Variants in PRTG observed in about 807,000 individuals in gnomAD.
PRTG encodes the protein protogenin.
PRTG carries 67 observed loss-of-function variants against 122.5 expected under a neutral mutation model. The observed-to-expected ratio is 0.55, with a 90% CI of 0.45 to 0.67. The LOEUF is 0.67. Among genes scored for constraint, PRTG ranks in the 30% least tolerant of loss-of-function variants. PRTG has a pLI of 0.00. For synonymous variants in PRTG, 554 were observed against 501.1 expected, an observed-to-expected ratio of 1.11 and a Z score of -1.41; for missense variants, 1,435 against 1,415.4, an observed-to-expected ratio of 1.01 and a Z score of -0.22.
intron 2 of PRTG, among the ~76,000 whole-genome samples, chr15:55,709,759 T>C (rs7164194): frequency 0.89 from 135,110 of 152,246 alleles, 61,406 homozygotes; most frequent in Non-Finnish European, 0.98. Context: ...TGAGAGAATC[T>C]GTACAAACAA....
At chr15:55,683,446 A>C (rs765169169) in intron 3 of PRTG, among the ~76,000 whole-genome samples, 7 of 152,134 alleles carry the variant, frequency 4.6e-5, no homozygotes, top group Non-Finnish European at 8.8e-5. Flanking sequence ...GCATACATGA[A>C]AGACCCTTAC....
At chr15:55,717,965 A>T (rs1168803508) in intron 2 of PRTG, among the ~76,000 whole-genome samples, 1 of 152,178 alleles carries the variant, frequency 6.6e-6, no homozygotes, top group Non-Finnish European at 1.5e-5. Context: ...TTGGAGATCA[A>T]TCCCCTGTCC....
At chr15:55,720,382 A>G (rs2030768858) in intron 2 of PRTG, among the ~76,000 whole-genome samples, 1 of 152,144 alleles carries the variant, frequency 6.6e-6, no homozygotes, top group Admixed American at 6.6e-5. Flanking sequence ...AACAAAATAA[A>G]ACAAACATAA....
intron 11 of PRTG, among the ~76,000 whole-genome samples, chr15:55,642,739 A>C (rs2059299564): frequency 1.3e-5 from 2 of 152,222 alleles, no homozygotes; most frequent in South Asian, 4.1e-4. Flanking sequence ...AATCTGGAAA[A>C]CGACGTGAAA....
chr15:55,732,493 C>CTTTT (rs35478271), intron 2 of PRTG, among the ~76,000 whole-genome samples: 1 of 130,318 alleles, frequency 7.7e-6, no homozygotes. Context: ...CCAGGGTAAA[C>CTTTT]TTTTTTTTTT....
intron 11 of PRTG, among the ~76,000 whole-genome samples, chr15:55,646,401 C>T (rs1349455061): frequency 6.6e-6 from 1 of 151,706 alleles, no homozygotes; most frequent in Non-Finnish European, 1.5e-5. Context: ...CAGCTCACTG[C>T]AAGCTCCGCC....
chr15:55,669,914 C>G (rs981599717), intron 11 of PRTG, among the ~76,000 whole-genome samples: 1 of 152,130 alleles, frequency 6.6e-6, no homozygotes, highest in African/African-American at 2.4e-5. Context: ...AAATAATTTT[C>G]CAGTTTATGC....
intron 2 of PRTG, among the ~76,000 whole-genome samples, 164 bp downstream of exon 2, chr15:55,740,218 G>T (rs1231646341): frequency 2.6e-5 from 4 of 151,948 alleles, no homozygotes; most frequent in Admixed American, 2.6e-4. Flanking sequence ...ATTTATATAC[G>T]TATTTTTTTC....
chr15:55,707,087 T>C (rs28534646), intron 2 of PRTG, among the ~76,000 whole-genome samples: 15,193 of 152,200 alleles, frequency 0.1, 911 homozygotes, highest in Middle Eastern at 0.19. Context: ...TGGGGAGCCA[T>C]TGAAATATTT....
At chr15:55,650,483 TGA>T (rs2059347764) in intron 11 of PRTG, among the ~76,000 whole-genome samples, 1 of 152,078 alleles carries the variant, frequency 6.6e-6, no homozygotes, top group South Asian at 2.1e-4. Flanking sequence ...ACATTCTCCC[TGA>T]GAGAAGTCAC....
chr15:55,711,524 C>T (rs145948362), intron 2 of PRTG, among the ~76,000 whole-genome samples: 5 of 152,126 alleles, frequency 3.3e-5, no homozygotes, highest in Non-Finnish European at 4.4e-5. Flanking sequence ...CCTTGAGAAG[C>T]GCTGTTTGAT....
At chr15:55,716,278 C>T (rs1394216765) in intron 2 of PRTG, among the ~76,000 whole-genome samples, 1 of 152,160 alleles carries the variant, frequency 6.6e-6, no homozygotes, top group Non-Finnish European at 1.5e-5. Context: ...AAACAATCAA[C>T]TGGTTCTCTA....
At chr15:55,732,937 C>A (rs373707727) in intron 2 of PRTG, among the ~76,000 whole-genome samples, 2 of 152,186 alleles carry the variant, frequency 1.3e-5, no homozygotes, top group Non-Finnish European at 2.9e-5. Flanking sequence ...GGTGGCTGGA[C>A]GCAGTGGCTC....
At chr15:55,652,153 C>A (rs937919888) in intron 11 of PRTG, among the ~76,000 whole-genome samples, 1 of 152,126 alleles carries the variant, frequency 6.6e-6, no homozygotes, top group Admixed American at 6.5e-5. Flanking sequence ...ATAGTAGCAA[C>A]AAAGTGTCAC....
At chr15:55,698,662 C>T (rs2059644877) in intron 2 of PRTG, among the ~76,000 whole-genome samples, 1 of 152,124 alleles carries the variant, frequency 6.6e-6, no homozygotes, top group Admixed American at 6.5e-5. Context: ...TATTTATATG[C>T]AGGATTCAGG....
intron 2 of PRTG, among the ~76,000 whole-genome samples, chr15:55,737,981 TC>T (rs2031467966): frequency 1.1e-4 from 6 of 55,482 alleles, no homozygotes; most frequent in Non-Finnish European, 1.7e-4. Flanking sequence ...GCCTATTCTC[TC>T]TCTCTCTCTC....
rs773215148 is a variant in PRTG at position 55,740,488 on chromosome 15, C to A, written c.291G>T (p.Glu97Asp). 4 of 1,614,180 alleles carry A rather than the reference C, an allele frequency of 2.5e-6. No individual in the cohort carries two copies. The highest frequency in any genetic ancestry group is 3.4e-6 in the Non-Finnish European group (4 of 1,180,030). ...VLSNGSLYIS[E>D]VEGRRGEQSD... ...ACTGCTCTCCTCGCCTGCCTTCCAC[C>A]TCACTGATGTATAAAGAGCCGTTAG... Residue 97 changes from glutamate to aspartate, a missense_variant, in exon 2 of 20, where the codon GAG becomes GAT. By Grantham distance (45) the Glu-to-Asp change is conservative (BLOSUM62 2). Coordinates refer to ENST00000389286, the MANE Select transcript of PRTG (RefSeq NM_173814.6).
chr15:55,720,109 T>G (rs1179827827), intron 2 of PRTG, among the ~76,000 whole-genome samples: 2 of 151,190 alleles, frequency 1.3e-5, no homozygotes, highest in African/African-American at 4.9e-5. Flanking sequence ...CCAGGCATGG[T>G]GGCTCACACC....
chr15:55,729,948 A>T (rs1414611863), intron 2 of PRTG, among the ~76,000 whole-genome samples: 1 of 152,246 alleles, frequency 6.6e-6, no homozygotes, highest in Non-Finnish European at 1.5e-5. Context: ...GAAGCGTTAC[A>T]GGACAGCTGA....
Sources: allele counts gnomAD v4.1 joint callset (sites outside exome capture counted in the v4.1 genomes callset), GRCh38; gene constraint gnomAD v4.1.1; transcripts MANE v1.5; gene names NCBI Gene and HGNC (gene_info 2026-07-23, HGNC 2026-07-21).